NAALADL2: variants seen among roughly 807,000 people sequenced by gnomAD.
NAALADL2 encodes inactive N-acetylated-alpha-linked acidic dipeptidase-like protein 2.
Under a neutral mutation model 87.2 loss-of-function variants are expected in NAALADL2, and 76 were observed. The ratio of observed to expected loss-of-function variants is 0.87; its 90% confidence interval spans 0.72 to 1.05. The LOEUF (loss-of-function observed/expected upper bound fraction) is 1.05, where lower values mean the gene tolerates loss of function less well. NAALADL2 is among the 50% of genes least tolerant of loss of function. NAALADL2 has a pLI of 0.00. For synonymous variants in NAALADL2, 354 were observed against 331.0 expected (o/e 1.07, Z -0.75); for missense variants, 1,089 against 945.8 (o/e 1.15, Z -1.99).
chr3:174,486,617 C>G (rs1477647038), intron 1 of NAALADL2, among the ~76,000 whole-genome samples: 2 of 152,004 alleles, frequency 1.3e-5, no homozygotes, highest in East Asian at 1.9e-4. Context: ...TGTCACTTCT[C>G]TGATGGATCT....
intron 5 of NAALADL2, among the ~76,000 whole-genome samples, chr3:175,367,071 T>C (rs1264499880): frequency 1.3e-5 from 2 of 151,390 alleles, no homozygotes; most frequent in Non-Finnish European, 2.9e-5. Flanking sequence ...TTCAGCTTTC[T>C]ACATATGGCT....
At chr3:175,755,805 T>C (rs976869914) in intron 13 of NAALADL2, among the ~76,000 whole-genome samples, 65 of 151,002 alleles carry the variant, frequency 4.3e-4, no homozygotes, top group African/African-American at 1.4e-3. Context: ...ATAAGTTTAA[T>C]CCTGGAAACT....
chr3:174,678,083 A>G (rs969730695), intron 2 of NAALADL2, among the ~76,000 whole-genome samples: 1 of 152,126 alleles, frequency 6.6e-6, no homozygotes, highest in Admixed American at 6.6e-5. Context: ...TTGGTGTTAC[A>G]AAAAATTTTA....
chr3:175,073,729 A>G (rs1716070118), intron 1 of NAALADL2, among the ~76,000 whole-genome samples: 1 of 152,086 alleles, frequency 6.6e-6, no homozygotes, highest in African/African-American at 2.4e-5. Flanking sequence ...GTTTATGTTC[A>G]GTGTTACTCA....
intron 2 of NAALADL2, among the ~76,000 whole-genome samples, chr3:175,209,887 TTAAAAA>T (rs1215024350): frequency 6.7e-6 from 1 of 149,048 alleles, no homozygotes; most frequent in Non-Finnish European, 1.5e-5. Flanking sequence ...TTTAAAAAAA[TTAAAAA>T]TAAATAAATA....
intron 5 of NAALADL2, among the ~76,000 whole-genome samples, chr3:175,413,306 T>G (rs887867524): frequency 2.0e-5 from 3 of 150,696 alleles, no homozygotes; most frequent in Non-Finnish European, 4.4e-5. Context: ...GCGCGGTGGC[T>G]CATGCCTGTA....
intron 2 of NAALADL2, among the ~76,000 whole-genome samples, chr3:174,668,149 G>C (rs545318301): frequency 7.4e-4 from 112 of 152,080 alleles, no homozygotes; most frequent in African/African-American, 2.6e-3. Context: ...ATTCTTGTTG[G>C]TTATTTGCAT....
rs144258342 is a variant in NAALADL2 at position 175,592,446 on chromosome 3, T to C, written c.1800+16259T>C. Among the ~76,000 whole-genome samples, 220 of 152,204 alleles carry C rather than the reference T, an allele frequency of 1.4e-3. 2 individuals carry two copies. The highest frequency in any genetic ancestry group is 4.9e-3 in the African/African-American group (204 of 41,520). ...TCATTATTTCTTCACATCTAGATTT[T>C]TGGTTTCTTTACATGTAGACTGTAG... On this transcript the variant is annotated intron_variant, in intron 10 of 13. Coordinates refer to ENST00000454872, the MANE Select transcript of NAALADL2 (RefSeq NM_207015.3).
intron 3 of NAALADL2, among the ~76,000 whole-genome samples, chr3:174,844,834 GGTTTTTTTTTTTTT>G (rs1482926656): frequency 9.2e-5 from 7 of 76,448 alleles, no homozygotes; most frequent in African/African-American, 4.6e-4. Context: ...TAGTTCTAAT[GGTTTTTTTTTTTTT>G]TTTTTTTTTT....
At chr3:174,534,753 A>G (rs1721572680) in intron 1 of NAALADL2, among the ~76,000 whole-genome samples, 1 of 152,192 alleles carries the variant, frequency 6.6e-6, no homozygotes, top group Non-Finnish European at 1.5e-5. Flanking sequence ...CTGTGCATAC[A>G]GTCACCCTCT....
At chr3:175,381,349 C>T (rs1415283835) in intron 5 of NAALADL2, among the ~76,000 whole-genome samples, 1 of 151,438 alleles carries the variant, frequency 6.6e-6, no homozygotes, top group Non-Finnish European at 1.5e-5. Context: ...ATATTTCTCC[C>T]ATGTAAAAAA....
At chr3:175,794,057 A>G (rs1382880560) in intron 13 of NAALADL2, among the ~76,000 whole-genome samples, 1 of 152,168 alleles carries the variant, frequency 6.6e-6, no homozygotes, top group African/African-American at 2.4e-5. Flanking sequence ...TTGTGACCTG[A>G]CCATTACTGT....
At chr3:175,100,747 G>A (rs1292504408) in intron 2 of NAALADL2, among the ~76,000 whole-genome samples, 2 of 151,070 alleles carry the variant, frequency 1.3e-5, no homozygotes, top group Admixed American at 1.3e-4. Flanking sequence ...CTGAGGCAGG[G>A]AGAATCGCTT....
At chr3:174,915,043 G>A (rs1260119295) in intron 1 of NAALADL2, among the ~76,000 whole-genome samples, 1 of 152,128 alleles carries the variant, frequency 6.6e-6, no homozygotes, top group Non-Finnish European at 1.5e-5. Flanking sequence ...TTCTGGACAG[G>A]TTCTAAGAGT....
chr3:175,783,628 T>C (rs549616071), intron 13 of NAALADL2, among the ~76,000 whole-genome samples: 4 of 152,088 alleles, frequency 2.6e-5, no homozygotes, highest in Non-Finnish European at 5.9e-5. Context: ...TTTCTAAATA[T>C]ACAATCATGT....
intron 1 of NAALADL2, among the ~76,000 whole-genome samples, chr3:174,906,517 A>G (rs1732976341): frequency 6.6e-6 from 1 of 152,140 alleles, no homozygotes; most frequent in East Asian, 1.9e-4. Context: ...CCCTCTGGAT[A>G]GGCCTACATG....
intron 2 of NAALADL2, among the ~76,000 whole-genome samples, chr3:175,138,850 G>C (rs906813732): frequency 2.9e-5 from 4 of 136,338 alleles, no homozygotes; most frequent in Admixed American, 2.3e-4. Context: ...CAGATGAATT[G>C]CACTAAAGAG....
intron 4 of NAALADL2, chr3:175,256,945 C>G (rs1238803211): frequency 6.6e-6 from 1 of 152,350 alleles, no homozygotes; most frequent in Non-Finnish European, 1.5e-5. Context: ...CTATGTTAGA[C>G]AAGTATCTAG....
chr3:175,368,282 A>C (rs867591464), intron 5 of NAALADL2, among the ~76,000 whole-genome samples: 7 of 152,262 alleles, frequency 4.6e-5, no homozygotes, highest in African/African-American at 1.7e-4. Context: ...GGATTTTTGC[A>C]TCAATGTTCA....
Sources: allele counts gnomAD v4.1 joint callset (sites outside exome capture counted in the v4.1 genomes callset), GRCh38; gene constraint gnomAD v4.1.1; transcripts MANE v1.5; gene names NCBI Gene and HGNC (gene_info 2026-07-23, HGNC 2026-07-21).